The following TBXAS1 variants were observed in gnomAD, a reference collection of about 807,000 sequenced individuals.
TBXAS1 encodes the protein thromboxane-A synthase.
Under a neutral mutation model 60.7 loss-of-function variants are expected in TBXAS1, and 48 were observed. The observed-to-expected ratio is 0.79, with a 90% confidence interval of 0.63 to 1.01. The LOEUF (loss-of-function observed/expected upper bound fraction) is 1.01. TBXAS1 is among the 50% of genes least tolerant of loss of function. The pLI, the probability that TBXAS1 is intolerant of heterozygous loss-of-function variation, is 0.00. For missense variants in TBXAS1, 685 were observed against 686.3 expected, an observed-to-expected ratio of 1.00 and a Z score of 0.02; for synonymous variants, 287 against 269.7, an observed-to-expected ratio of 1.06 and a Z score of -0.63.
At chr7:140,017,951 G>T in intron 12 of TBXAS1, 118 bp downstream of exon 12, 3 of 1,411,156 alleles carry the variant, frequency 2.1e-6, no homozygotes, top group Non-Finnish European at 3.0e-6. Context: ...CGTGAGCTTG[G>T]GCAAGCTCCT....
chr7:139,898,734 C>T (rs569060076), intron 3 of TBXAS1, among the ~76,000 whole-genome samples: 2 of 152,324 alleles, frequency 1.3e-5, no homozygotes, highest in Non-Finnish European at 1.5e-5. Flanking sequence ...GTGGCAGCAG[C>T]AGGGTGTGGC....
chr7:139,895,647 C>T (rs1804028682), intron 3 of TBXAS1, among the ~76,000 whole-genome samples: 1 of 152,236 alleles, frequency 6.6e-6, no homozygotes, highest in Non-Finnish European at 1.5e-5. Flanking sequence ...CAAGTCCTTC[C>T]CAGAAGGGGG....
chr7:139,976,947 C>G (rs1811606831), intron 9 of TBXAS1, among the ~76,000 whole-genome samples: 1 of 152,120 alleles, frequency 6.6e-6, no homozygotes, highest in Non-Finnish European at 1.5e-5. Flanking sequence ...CGTGATCATG[C>G]TGTGGTCAGA....
chr7:139,826,984 G>C (rs751493167), upstream of TBXAS1, among the ~76,000 whole-genome samples: 1 of 152,134 alleles, frequency 6.6e-6, no homozygotes, highest in Non-Finnish European at 1.5e-5. Flanking sequence ...TGAGGGTCAG[G>C]TGTGGTCCTC....
intron 4 of TBXAS1, among the ~76,000 whole-genome samples, chr7:139,804,159 C>T (rs548268179): frequency 3.9e-5 from 6 of 152,338 alleles, no homozygotes; most frequent in African/African-American, 9.6e-5. Context: ...GGCAGAGCTG[C>T]CCAGGGCTGT....
intron 4 of TBXAS1, among the ~76,000 whole-genome samples, chr7:139,809,230 A>G (rs375443444): frequency 9.7e-6 from 1 of 103,024 alleles, no homozygotes; most frequent in Non-Finnish European, 2.2e-5. Context: ...ATAGATAGAT[A>G]GATGATAGAT....
chr7:139,838,511 T>G (rs1455403743), intron 1 of TBXAS1, among the ~76,000 whole-genome samples: 6 of 152,220 alleles, frequency 3.9e-5, no homozygotes, highest in Non-Finnish European at 8.8e-5. Flanking sequence ...TGTTTTCAGT[T>G]TGTGTCAATT....
At chr7:139,866,492 G>T (rs550303666) in intron 1 of TBXAS1, among the ~76,000 whole-genome samples, 22 of 151,872 alleles carry the variant, frequency 1.4e-4, no homozygotes, top group African/African-American at 5.1e-4. Flanking sequence ...AGTGGCTCTT[G>T]CCTGTAATCA....
At chr7:139,941,344 A>G (rs979028322) in intron 5 of TBXAS1, among the ~76,000 whole-genome samples, 1 of 152,158 alleles carries the variant, frequency 6.6e-6, no homozygotes, top group East Asian at 1.9e-4. Context: ...GTTTATGCGG[A>G]TATTAGGTTG....
intron 1 of TBXAS1, among the ~76,000 whole-genome samples, chr7:139,848,226 C>T (rs1169483109): frequency 6.6e-6 from 1 of 152,076 alleles, no homozygotes; most frequent in Non-Finnish European, 1.5e-5. Context: ...GTCAAATGAT[C>T]CTCCCACCTC....
upstream of TBXAS1, among the ~76,000 whole-genome samples, chr7:139,827,545 T>C (rs1301660009): frequency 1.3e-5 from 2 of 152,214 alleles, no homozygotes; most frequent in African/African-American, 4.8e-5. Flanking sequence ...TTTGCTTTTG[T>C]TTTTTAACTT....
At chr7:139,858,877 T>C (rs996172300) in intron 1 of TBXAS1, among the ~76,000 whole-genome samples, 5 of 152,182 alleles carry the variant, frequency 3.3e-5, no homozygotes. Flanking sequence ...AATTTTAATT[T>C]TTTATTTTGA....
At chr7:139,786,154 CT>C (rs1487313813) in intron 3 of TBXAS1, among the ~76,000 whole-genome samples, 1 of 151,088 alleles carries the variant, frequency 6.6e-6, no homozygotes, top group Non-Finnish European at 1.5e-5. Flanking sequence ...AGGTCCATCA[CT>C]TTTAACTGGA....
At chr7:139,902,131 C>T (rs997676678) in intron 3 of TBXAS1, among the ~76,000 whole-genome samples, 4 of 149,344 alleles carry the variant, frequency 2.7e-5, no homozygotes, top group African/African-American at 7.4e-5. Flanking sequence ...TATATGCACT[C>T]GTGTGTGTGT....
At chr7:139,841,325 G>C (rs1554472566) in intron 1 of TBXAS1, among the ~76,000 whole-genome samples, 1 of 152,168 alleles carries the variant, frequency 6.6e-6, no homozygotes, top group Non-Finnish European at 1.5e-5. Flanking sequence ...ATTTCAGGTG[G>C]GGAAGTACCC....
chr7:139,998,143 T>C (rs533578165), intron 9 of TBXAS1, among the ~76,000 whole-genome samples: 4 of 152,286 alleles, frequency 2.6e-5, no homozygotes, highest in East Asian at 3.9e-4. Context: ...ATTTCATTTA[T>C]AGGAAGTTCA....
At chr7:139,901,606 A>T (rs747349353) in intron 3 of TBXAS1, among the ~76,000 whole-genome samples, 10 of 151,972 alleles carry the variant, frequency 6.6e-5, no homozygotes, top group Non-Finnish European at 1.3e-4. Context: ...TGGGTCCACA[A>T]TCTGTCAATC....
At chr7:139,866,304 C>T (rs774998399) in intron 1 of TBXAS1, among the ~76,000 whole-genome samples, 6 of 151,940 alleles carry the variant, frequency 3.9e-5, no homozygotes, top group African/African-American at 7.3e-5. Context: ...ATAGAAAACA[C>T]GCTAAGTATT....
At chr7:139,853,620 G>C (rs1003407789) in intron 1 of TBXAS1, among the ~76,000 whole-genome samples, 6 of 152,000 alleles carry the variant, frequency 3.9e-5, no homozygotes, top group African/African-American at 1.5e-4. Context: ...TATTACGCAG[G>C]ATCCAGAGGC....
Sources: gnomAD v4.1 joint callset for allele counts (sites outside exome capture counted in the v4.1 genomes callset) on GRCh38, gnomAD v4.1.1 for gene constraint, MANE v1.5 for transcripts, NCBI Gene and HGNC (gene_info 2026-07-23, HGNC 2026-07-21) for gene names.